Variants in NTNG1 observed in about 807,000 individuals in gnomAD.
NTNG1 encodes the protein netrin-G1.
A neutral mutation model predicts 54.0 loss-of-function variants in NTNG1; 16 were observed. The observed-to-expected ratio is 0.30, with a 90% CI of 0.20 to 0.45. The LOEUF is 0.45. Ranked by LOEUF, NTNG1 falls within the 20% of genes least tolerant of loss-of-function variation. The probability of loss-of-function intolerance (pLI) is 1.00; values close to 1 mark genes in which losing one functional copy is unlikely to be tolerated. For missense variants in NTNG1, 530 were observed against 678.7 expected (o/e 0.78, Z 2.43); for synonymous variants, 255 against 263.1 (o/e 0.97, Z 0.30).
At chr1:107,305,603 T>C (rs2101818742) in intron 2 of NTNG1, among the ~76,000 whole-genome samples, 1 of 152,278 alleles carries the variant, frequency 6.6e-6, no homozygotes, top group South Asian at 2.1e-4. Context: ...TTCTTGTAAA[T>C]TTGTTTAAGT....
At chr1:107,455,637 G>T in intron 7 of NTNG1, 1 of 493,372 alleles carries the variant, frequency 2.0e-6, no homozygotes, top group Non-Finnish European at 4.1e-6. Context: ...TGAGATGGAA[G>T]GTAACTGCTG....
chr1:107,222,270 T>C (rs1660395097), intron 2 of NTNG1, among the ~76,000 whole-genome samples: 1 of 152,136 alleles, frequency 6.6e-6, no homozygotes. Context: ...AGACTGAAAG[T>C]TCTAAAAGGG....
rs201055533 is a variant in NTNG1, at chr1:107,304,728, CTT to C, written c.247-19541_247-19540del. Among the ~76,000 whole-genome samples, 10 of 141,146 alleles carry C rather than the reference CTT, an allele frequency of 7.1e-5. 1 individual carries two copies. Among genetic ancestry groups the C allele is most frequent in the South Asian group, 4.5e-4 (2 of 4,482 alleles). The allele number at this position is 141,146 out of a possible 152,430, so 92.6% of individuals were successfully genotyped here. On this transcript the variant is annotated intron_variant, in intron 2 of 7. Transcript: ENST00000370068. ...TGAAAAACACAAGGCTCAGAATGTTCTTTTTTTTTTTTTTAAATTATACTTTA... is the reference window on the plus strand; with the variant it reads ...TGAAAAACACAAGGCTCAGAATGTTCTTTTTTTTTTTTAAATTATACTTTA...
At chr1:107,261,016 G>A (rs998820884) in intron 2 of NTNG1, 2 of 152,222 alleles carry the variant, frequency 1.3e-5, no homozygotes, top group East Asian at 1.9e-4. Flanking sequence ...CTGCAGCCCA[G>A]GTAAGTACAT....
At position 107,482,587 on chromosome 1, in the gene NTNG1, A is replaced by T. The variant is rs1204463915; in HGVS notation, c.*1747A>T. 1 of 152,282 alleles carries T rather than the reference A, an allele frequency of 6.6e-6. No homozygotes were observed. Among genetic ancestry groups the T allele is most frequent in the Non-Finnish European group, 1.5e-5 (1 of 68,096 alleles). 9.4% of individuals were successfully genotyped at this position (152,282 alleles called of 1,614,324 possible). ...GTGTATTAGCAGCAGCATCTCCTGG[A>T]ATCAAAAACAATTATCAGCCCGAAC... On this transcript the variant is annotated 3_prime_UTR_variant, in exon 8 of 8. Coordinates refer to ENST00000370068, the MANE Select transcript of NTNG1 (RefSeq NM_001113226.3).
At chr1:107,363,276 C>T (rs995787379) in intron 3 of NTNG1, among the ~76,000 whole-genome samples, 1 of 152,136 alleles carries the variant, frequency 6.6e-6, no homozygotes, top group Non-Finnish European at 1.5e-5. Flanking sequence ...ACAAATAAAA[C>T]AGTGTCTTGC....
chr1:107,282,362 C>A (rs977081262), intron 2 of NTNG1, among the ~76,000 whole-genome samples: 6 of 152,058 alleles, frequency 3.9e-5, no homozygotes, highest in Admixed American at 3.9e-4. Context: ...CTGGGATCTG[C>A]AAATCTTTAT....
At chr1:107,273,534 A>C (rs568419674) in intron 2 of NTNG1, among the ~76,000 whole-genome samples, 3 of 152,252 alleles carry the variant, frequency 2.0e-5, no homozygotes, top group Non-Finnish European at 4.4e-5. Context: ...AGGGATCTGA[A>C]ACAGCAGCCA....
intron 4 of NTNG1, among the ~76,000 whole-genome samples, chr1:107,395,884 T>C (rs1443625271): frequency 2.0e-5 from 3 of 152,064 alleles, no homozygotes; most frequent in Non-Finnish European, 4.4e-5. Context: ...AGAGGCCCCC[T>C]TTGGATAAAG....
intron 7 of NTNG1, 36 bp from the exon 8 acceptor site, chr1:107,480,575 C>CCCA: frequency 2.0e-6 from 1 of 512,238 alleles, no homozygotes; most frequent in Non-Finnish European, 3.8e-6. Flanking sequence ...CTCCTCCCCG[C>CCCA]GCCCACCCAC....
chr1:107,251,080 T>C (rs910990579), intron 2 of NTNG1, among the ~76,000 whole-genome samples: 6 of 152,262 alleles, frequency 3.9e-5, no homozygotes, highest in African/African-American at 1.4e-4. Context: ...AGAAATTTCA[T>C]GCAGTAATGC....
At chr1:107,329,824 A>G (rs6583021) in intron 3 of NTNG1, among the ~76,000 whole-genome samples, 116,556 of 151,920 alleles carry the variant, frequency 0.77, 47,009 homozygotes, top group Non-Finnish European at 0.9. Context: ...GATGGTAGAC[A>G]GACGAAGATG....
At chr1:107,417,203 A>C (rs1674274744) in intron 5 of NTNG1, among the ~76,000 whole-genome samples, 1 of 152,102 alleles carries the variant, frequency 6.6e-6, no homozygotes, top group Non-Finnish European at 1.5e-5. Flanking sequence ...ACAGATGTGG[A>C]AAATTATTAC....
intron 3 of NTNG1, among the ~76,000 whole-genome samples, chr1:107,372,185 G>C (rs1371437234): frequency 3.3e-5 from 5 of 151,526 alleles, no homozygotes; most frequent in Admixed American, 6.6e-5. Flanking sequence ...TTTCTGCTTT[G>C]GTATTCATTA....
chr1:107,346,208 A>G (rs1422661568), intron 3 of NTNG1, among the ~76,000 whole-genome samples: 2 of 152,240 alleles, frequency 1.3e-5, no homozygotes, highest in Non-Finnish European at 2.9e-5. Flanking sequence ...TCAGTAATAC[A>G]GCTCTGGAAG....
chr1:107,431,414 A>T (rs1675258098), intron 6 of NTNG1, among the ~76,000 whole-genome samples: 1 of 152,176 alleles, frequency 6.6e-6, no homozygotes, highest in Non-Finnish European at 1.5e-5. Context: ...GCAACTGGAA[A>T]TGTAAAAGTT....
intron 7 of NTNG1, among the ~76,000 whole-genome samples, chr1:107,451,273 T>A (rs542509695): frequency 4.6e-5 from 7 of 152,064 alleles, no homozygotes; most frequent in Non-Finnish European, 8.8e-5. Context: ...TAAGGTTGTT[T>A]ATTCCTGTAA....
intron 2 of NTNG1, among the ~76,000 whole-genome samples, chr1:107,246,463 T>C (rs1440486574): frequency 6.6e-6 from 1 of 152,062 alleles, no homozygotes; most frequent in Non-Finnish European, 1.5e-5. Context: ...GCAACTGTTT[T>C]TAAATGATAC....
intron 5 of NTNG1, 172 bp from the exon 6 acceptor site, chr1:107,430,578 C>G (rs1675197397): frequency 2.6e-6 from 2 of 762,252 alleles, no homozygotes; most frequent in South Asian, 2.8e-5. Flanking sequence ...GAAACAGATG[C>G]TATTTCCGTG....
Sources: allele counts gnomAD v4.1 joint callset (sites outside exome capture counted in the v4.1 genomes callset), GRCh38; gene constraint gnomAD v4.1.1; transcripts MANE v1.5; gene names NCBI Gene and HGNC (gene_info 2026-07-23, HGNC 2026-07-21).